ERC2: variants seen among roughly 807,000 people sequenced by gnomAD.
The protein encoded by ERC2 is ERC protein 2.
Under a neutral mutation model 114.8 loss-of-function variants are expected in ERC2, and 42 were observed. The ratio of observed to expected loss-of-function variants is 0.37; its 90% CI spans 0.29 to 0.47. The LOEUF (loss-of-function observed/expected upper bound fraction) is 0.47. ERC2 is among the 20% of genes least tolerant of loss of function. The pLI, the probability that ERC2 is intolerant of heterozygous loss-of-function variation, is 0.99. For synonymous variants in ERC2, 454 were observed against 425.5 expected (o/e 1.07, Z -0.82); for missense variants, 939 against 1,150.7 (o/e 0.82, Z 2.66).
In ERC2 at chr3:56,345,768, C is replaced by T. The variant is rs2058283149; in HGVS notation, c.658-49333G>A. 2.0e-5 allele frequency among the ~76,000 whole-genome samples: 3 copies of T among 152,150 alleles called. 1 individual carries two copies. In the South Asian group the frequency reaches 6.2e-4, roughly 31 times the overall value. On this transcript the variant is annotated intron_variant, in intron 2 of 17. Coordinates refer to ENST00000288221, the MANE Select transcript of ERC2 (RefSeq NM_015576.3). ...TCCGCTGTCTTGGATAACCTAATCC[C>T]CACATGCATGCCCACACTTAGGAAT... is the stretch of plus-strand genomic sequence containing the variant.
At chr3:56,319,108 C>T (rs1474483429) in intron 2 of ERC2, among the ~76,000 whole-genome samples, 1 of 151,858 alleles carries the variant, frequency 6.6e-6, no homozygotes, top group Non-Finnish European at 1.5e-5. Context: ...AATATAGAAT[C>T]GCCATATGAT....
chr3:55,790,009 AAC>A (rs2069858468), intron 14 of ERC2, among the ~76,000 whole-genome samples: 1 of 152,154 alleles, frequency 6.6e-6, no homozygotes, highest in Non-Finnish European at 1.5e-5. Context: ...TCCTGTCTCC[AAC>A]TGTCAGTCCT....
chr3:55,845,954 T>C (rs1212555293), intron 14 of ERC2, among the ~76,000 whole-genome samples: 1 of 152,248 alleles, frequency 6.6e-6, no homozygotes, highest in African/African-American at 2.4e-5. Flanking sequence ...GGGCAGCCTC[T>C]GAGTTGGAAA....
At chr3:55,682,623 T>C (rs863631) in intron 17 of ERC2, among the ~76,000 whole-genome samples, 43,346 of 152,072 alleles carry the variant, frequency 0.29, 6,606 homozygotes, top group Non-Finnish European at 0.34. Context: ...TGCCATGCTA[T>C]TTGAAGGCAA....
chr3:56,441,162 G>A (rs1209906924), intron 1 of ERC2, among the ~76,000 whole-genome samples: 1 of 152,086 alleles, frequency 6.6e-6, no homozygotes, highest in Non-Finnish European at 1.5e-5. Context: ...CTAAAATTAG[G>A]AGCCACACAG....
intron 14 of ERC2, among the ~76,000 whole-genome samples, chr3:55,823,465 T>C (rs72877148): frequency 0.047 from 7,081 of 152,212 alleles, 194 homozygotes; most frequent in African/African-American, 0.075. Context: ...CCCTCCTCCC[T>C]GTCTCAGGGT....
At chr3:56,137,016 T>A (rs2080547619) in intron 6 of ERC2, among the ~76,000 whole-genome samples, 1 of 152,174 alleles carries the variant, frequency 6.6e-6, no homozygotes, top group African/African-American at 2.4e-5. Context: ...CCACATAATG[T>A]CACCACTGTC....
At chr3:55,865,128 A>C (rs2149270378) in intron 14 of ERC2, among the ~76,000 whole-genome samples, 1 of 152,306 alleles carries the variant, frequency 6.6e-6, no homozygotes, top group South Asian at 2.1e-4. Flanking sequence ...GTATATATCT[A>C]GGTTATAACA....
chr3:56,019,993 A>T (rs2073591703), intron 7 of ERC2, among the ~76,000 whole-genome samples: 1 of 152,222 alleles, frequency 6.6e-6, no homozygotes, highest in Non-Finnish European at 1.5e-5. Flanking sequence ...TATGTTTCAC[A>T]ATGTACACTC....
intron 7 of ERC2, among the ~76,000 whole-genome samples, chr3:56,049,431 T>G (rs1209526575): frequency 1.3e-5 from 2 of 152,204 alleles, no homozygotes; most frequent in Non-Finnish European, 2.9e-5. Context: ...CTGTGAAGGT[T>G]AATACTGAGT....
intron 7 of ERC2, among the ~76,000 whole-genome samples, chr3:56,020,143 A>G (rs1180791771): frequency 6.6e-6 from 1 of 152,192 alleles, no homozygotes; most frequent in Admixed American, 6.5e-5. Context: ...AGCAGCGTCA[A>G]AAACAGCTCT....
At chr3:56,276,060 T>C (rs558974529) in intron 3 of ERC2, among the ~76,000 whole-genome samples, 54 of 152,288 alleles carry the variant, frequency 3.5e-4, no homozygotes, top group African/African-American at 1.3e-3. Flanking sequence ...CTCTAGTACT[T>C]AAGAAATTCT....
chr3:56,258,001 C>G (rs185812881), intron 3 of ERC2, among the ~76,000 whole-genome samples: 161 of 152,306 alleles, frequency 1.1e-3, no homozygotes, highest in African/African-American at 3.6e-3. Context: ...AGCTTATACA[C>G]AATTTTTTAA....
intron 2 of ERC2, among the ~76,000 whole-genome samples, chr3:56,373,701 T>G (rs2059433702): frequency 6.6e-6 from 1 of 152,242 alleles, no homozygotes; most frequent in Non-Finnish European, 1.5e-5. Flanking sequence ...ACTCTGCCAT[T>G]GTAGCACAAA....
intron 14 of ERC2, among the ~76,000 whole-genome samples, chr3:55,846,136 C>T (rs943496885): frequency 6.6e-6 from 1 of 152,210 alleles, no homozygotes; most frequent in Non-Finnish European, 1.5e-5. Context: ...TTCTGCTCCT[C>T]TCCCTCATCC....
chr3:55,605,025 G>A (rs567030321), intron 17 of ERC2, among the ~76,000 whole-genome samples: 18 of 152,158 alleles, frequency 1.2e-4, no homozygotes, highest in Non-Finnish European at 2.6e-4. Flanking sequence ...GATGCCAGTG[G>A]CTCTTCAAGG....
At chr3:56,340,172 A>G (rs992436840) in intron 2 of ERC2, among the ~76,000 whole-genome samples, 1 of 152,188 alleles carries the variant, frequency 6.6e-6, no homozygotes, top group African/African-American at 2.4e-5. Context: ...AACATGCCCA[A>G]TATTATTTTG....
chr3:55,651,014 A>ATTTTTTTT (rs71096493), intron 17 of ERC2, among the ~76,000 whole-genome samples: 5 of 96,316 alleles, frequency 5.2e-5, no homozygotes, highest in Non-Finnish European at 5.9e-5. Context: ...CACCCAGCTA[A>ATTTTTTTT]TTTTTTTTTT....
chr3:55,516,677 C>G (rs928365399), intron 17 of ERC2, among the ~76,000 whole-genome samples: 17 of 152,142 alleles, frequency 1.1e-4, no homozygotes, highest in East Asian at 3.8e-4. Flanking sequence ...GGGTATAACT[C>G]ATCCATAACG....
Sources: gnomAD v4.1 joint callset for allele counts (sites outside exome capture counted in the v4.1 genomes callset) on GRCh38, gnomAD v4.1.1 for gene constraint, MANE v1.5 for transcripts, NCBI Gene and HGNC (gene_info 2026-07-23, HGNC 2026-07-21) for gene names.